The following CRNKL1 variants were observed in gnomAD, a reference collection of about 807,000 sequenced individuals.
CRNKL1 encodes crooked neck pre-mRNA splicing factor 1, also known as crooked neck-like protein 1.
In CRNKL1, 35 loss-of-function variants were observed where a neutral mutation model predicts 103.7. The observed-to-expected ratio is 0.34, with a 90% CI of 0.26 to 0.45. CRNKL1 has a LOEUF of 0.45. Ranked by LOEUF, CRNKL1 falls within the 20% of genes least tolerant of loss-of-function variation. The pLI, the probability that CRNKL1 is intolerant of heterozygous loss-of-function variation, is 1.00. For synonymous variants in CRNKL1, 267 were observed against 282.6 expected, an observed-to-expected ratio of 0.94 and a Z score of 0.55; for missense variants, 645 against 836.0, an observed-to-expected ratio of 0.77 and a Z score of 2.82.
chr20:20,048,040 T>G (rs568058751), intron 4 of CRNKL1, 109 bp from the exon 5 acceptor site: 3 of 1,317,422 alleles, frequency 2.3e-6, no homozygotes, highest in African/African-American at 3.0e-5. Flanking sequence ...AAACATGTTT[T>G]GTCATTTGTA....
In CRNKL1 at chr20:20,043,521, G is replaced by A. The variant is rs1241667659; in HGVS notation, c.943C>T (p.Arg315Trp). 21 of 1,613,884 alleles carry A rather than the reference G, an allele frequency of 1.3e-5. No homozygotes were observed. Among genetic ancestry groups the A allele is most frequent in the Non-Finnish European group, 1.6e-5 (19 of 1,179,892 alleles). ...ACTTCTTCTTCGTACTGGAATCTCC[G>A]TTTGCTCACAATGATATCTTCAATA... ...RGIEDIIVSK[R>W]RFQYEEEVKA... Residue 315 changes from arginine (R) to tryptophan (W), a missense_variant, in exon 7 of 14, where the codon CGG (arginine) becomes TGG (tryptophan). Physicochemically the swap from Arg to Trp is moderately radical, Grantham distance 101 (BLOSUM62 -3). This residue lies in a region of CRNKL1 where 582 missense variants were observed against 707.7 expected (regional missense o/e 0.82). Transcript: ENST00000536226.
chr20:20,042,919 T>A (rs926327698), intron 7 of CRNKL1, among the ~76,000 whole-genome samples: 2 of 152,260 alleles, frequency 1.3e-5, no homozygotes, highest in African/African-American at 2.4e-5. Flanking sequence ...CTTTAACATA[T>A]CTTGCTAACC....
chr20:20,052,778 G>C (rs183257279), upstream of CRNKL1: 13 of 1,507,674 alleles, frequency 8.6e-6, no homozygotes, highest in Non-Finnish European at 1.2e-5. Flanking sequence ...GGGGGAAGAA[G>C]GGAGAGCGAG....
Position 20,039,658 on chromosome 20 carries a change from C to A in CRNKL1, c.1496G>T (p.Arg499Leu). 6.2e-7 allele frequency: 1 copy of A among 1,614,120 alleles called. No individual in the cohort carries two copies. Among genetic ancestry groups the A allele is most frequent in the Non-Finnish European group, 8.5e-7 (1 of 1,179,992 alleles). The change falls in exon 11 of 14, where the codon CGG (arginine) becomes CTG (leucine). Residue 499 changes from arginine (R) to leucine (L), a missense_variant. This residue lies in a region of CRNKL1 where 582 missense variants were observed against 707.7 expected (regional missense o/e 0.82). Coordinates refer to ENST00000536226, the MANE Select transcript of CRNKL1 (RefSeq NM_001278628.2). ...ETILGDIDRA[R>L]AIYELAISQP... ...ACTGATGGCTAATTCATAGATTGCC[C>A]GTGCTCTGTCAATATCACCAAGGAT...
chr20:20,039,512 T>C, intron 11 of CRNKL1, 97 bp downstream of exon 11: 3 of 1,429,752 alleles, frequency 2.1e-6, no homozygotes, highest in Non-Finnish European at 2.9e-6. Flanking sequence ...AGTTAGATCA[T>C]CGTTATACTC....
At chr20:20,040,600 T>A (rs907140154) in intron 10 of CRNKL1, 86 bp downstream of exon 10, 1 of 981,224 alleles carries the variant, frequency 1.0e-6, no homozygotes, top group Non-Finnish European at 1.6e-6. Context: ...CTCTTTAAAG[T>A]AGGAACTGTA....
intron 8 of CRNKL1, among the ~76,000 whole-genome samples, chr20:20,042,115 T>C (rs181163790): frequency 1.1e-3 from 170 of 152,248 alleles, no homozygotes; most frequent in Admixed American, 2.7e-3. Context: ...CAAACCAAAG[T>C]TAAAAAAGCC....
intron 10 of CRNKL1, 89 bp downstream of exon 10, chr20:20,040,597 A>C: frequency 1.0e-6 from 1 of 960,542 alleles, no homozygotes; most frequent in Non-Finnish European, 1.6e-6. Flanking sequence ...TCACTCTTTA[A>C]AGTAGGAACT....
chr20:20,039,445 G>A (rs1568757351), intron 11 of CRNKL1, among the ~76,000 whole-genome samples, 164 bp downstream of exon 11: 1 of 152,128 alleles, frequency 6.6e-6, no homozygotes, highest in Non-Finnish European at 1.5e-5. Flanking sequence ...TACTTCCCCT[G>A]TCCCCCACAG....
Position 20,036,109 on chromosome 20 carries a change from G to GAAAT in CRNKL1, c.*82_*85dup. ...AGATACCAATCAATTTCTTACTGGT[G>GAAAT]AAATATATAAGAACTTCCAGGAGTC... On this transcript the variant is annotated 3_prime_UTR_variant, in exon 14 of 14. Coordinates refer to ENST00000536226, the MANE Select transcript of CRNKL1 (RefSeq NM_001278628.2). 7.5e-7 allele frequency: 1 copy of GAAAT among 1,333,978 alleles called. No homozygotes were observed. The highest frequency in any genetic ancestry group is 1.5e-5 in the African/African-American group (1 of 67,444). The allele number at this position is 1,333,978 out of a possible 1,614,324, so 82.6% of individuals were successfully genotyped here. A position where few individuals can be genotyped will look rare whatever the true frequency, so the allele number is the denominator to read the frequency against.
chr20:20,037,362 C>T lies in CRNKL1; in HGVS notation c.1857G>A (p.Glu619=), dbSNP rs547702566. Residue 619 remains glutamate (E), a synonymous_variant, in exon 13 of 14, where the codon GAG becomes GAA. Coordinates refer to ENST00000536226, the MANE Select transcript of CRNKL1 (RefSeq NM_001278628.2). ...GGACCTTTCTTCTCTTCTTGACTTTCTCTGGCATGAGTTTGTCTACTCTCT... is the reference window on the plus strand; with the variant it reads ...GGACCTTTCTTCTCTTCTTGACTTTTTCTGGCATGAGTTTGTCTACTCTCT... ...DKERVDKLMP[E]KVKKRRKVQT... 1 of 1,614,134 alleles carries T rather than the reference C, an allele frequency of 6.2e-7. No individual in the cohort carries two copies. The highest frequency in any genetic ancestry group is 1.3e-5 in the African/African-American group (1 of 75,062).
upstream of CRNKL1, chr20:20,052,550 G>T (rs145198573): frequency 9.4e-4 from 1,515 of 1,614,154 alleles, 18 homozygotes; most frequent in African/African-American, 0.019. Context: ...CGTCCTCCTT[G>T]CGGCAGCGCG....
intron 7 of CRNKL1, among the ~76,000 whole-genome samples, chr20:20,043,088 C>T (rs187380495): frequency 3.9e-5 from 6 of 152,240 alleles, no homozygotes; most frequent in Admixed American, 6.5e-5. Flanking sequence ...AAAGAGATGC[C>T]GATGGAACCC....
chr20:20,036,394 A>C, intron 13 of CRNKL1, 32 bp from the exon 14 acceptor site: 1 of 1,605,582 alleles, frequency 6.2e-7, no homozygotes, highest in Non-Finnish European at 8.5e-7. Flanking sequence ...AGATAAGCAA[A>C]CGTGGGTGAT....
intron 1 of CRNKL1, among the ~76,000 whole-genome samples, chr20:20,051,482 AT>A (rs1792724043): frequency 1.3e-5 from 2 of 152,242 alleles, no homozygotes; most frequent in South Asian, 4.1e-4. Flanking sequence ...ATTATAAAAA[AT>A]GTTACTTAAT....
At chr20:20,041,650 C>A (rs1447515106) in intron 8 of CRNKL1, 25 bp from the exon 9 acceptor site, 2 of 1,573,132 alleles carry the variant, frequency 1.3e-6, no homozygotes, top group East Asian at 4.5e-5. Flanking sequence ...GAAATTTTCA[C>A]AAAATATTGA....
At chr20:20,045,599 A>C in intron 5 of CRNKL1, 113 bp from the exon 6 acceptor site, 2 of 900,726 alleles carry the variant, frequency 2.2e-6, no homozygotes, top group East Asian at 5.0e-5. Context: ...TCAAACTACA[A>C]CTCTAGGGGA....
chr20:20,041,146 G>T (rs2043506815), intron 9 of CRNKL1, among the ~76,000 whole-genome samples: 1 of 152,242 alleles, frequency 6.6e-6, no homozygotes, highest in African/African-American at 2.4e-5. Context: ...CACTTCTACA[G>T]AAGGAAACAC....
intron 11 of CRNKL1, among the ~76,000 whole-genome samples, chr20:20,038,933 C>T (rs973457574): frequency 6.6e-6 from 1 of 152,152 alleles, no homozygotes; most frequent in Non-Finnish European, 1.5e-5. Flanking sequence ...ATGAATAAAC[C>T]GTGGCATGGA....
Sources: allele counts gnomAD v4.1 joint callset (sites outside exome capture counted in the v4.1 genomes callset), GRCh38; gene constraint gnomAD v4.1.1; regional missense constraint gnomAD v4.1.1; transcripts MANE v1.5; gene names NCBI Gene and HGNC (gene_info 2026-07-23, HGNC 2026-07-21).